UNC79: variants seen among roughly 807,000 people sequenced by gnomAD.
UNC79 encodes the protein unc-79 subunit of NALCN channel complex, also known as protein unc-79 homolog.
Under a neutral mutation model 283.1 loss-of-function variants are expected in UNC79, and 37 were observed. The ratio of observed to expected loss-of-function variants is 0.13; its 90% CI spans 0.10 to 0.17. UNC79 has a LOEUF of 0.17. Among genes scored for constraint, UNC79 ranks in the 10% least tolerant of loss-of-function variants. The pLI, the probability that UNC79 is intolerant of heterozygous loss-of-function variation, is 1.00. For synonymous variants in UNC79, 1,107 were observed against 1,200.2 expected, an observed-to-expected ratio of 0.92 and a Z score of 1.61; for missense variants, 2,272 against 3,211.1, an observed-to-expected ratio of 0.71 and a Z score of 7.07.
rs1036179256 is a variant in UNC79 at position 93,540,952 on chromosome 14, G to A, written c.1524+121G>A. On this transcript the variant is annotated intron_variant, in intron 13 of 48. Transcript: ENST00000555664. Reference sequence around the variant, plus strand: ...TAGTGAAAAATTAACCTTAGCAATGGGGCTGAAGCTATGGCAATAGCTGTC... The same window carrying A: ...TAGTGAAAAATTAACCTTAGCAATGAGGCTGAAGCTATGGCAATAGCTGTC... 3.9e-6 allele frequency: 5 copies of A among 1,271,396 alleles called. No homozygotes were observed. The African/African-American group carries it at 7.6e-5, about 19-fold the overall frequency. 78.8% of individuals were successfully genotyped at this position (1,271,396 alleles called of 1,614,324 possible).
chr14:93,368,041 A>G (rs1173261831), intron 1 of UNC79, among the ~76,000 whole-genome samples: 1 of 152,188 alleles, frequency 6.6e-6, no homozygotes, highest in Non-Finnish European at 1.5e-5. Context: ...CTTTGTTCCT[A>G]TTTGACCCTT....
At chr14:93,353,352 G>A (rs1396445398) in intron 1 of UNC79, among the ~76,000 whole-genome samples, 1 of 152,114 alleles carries the variant, frequency 6.6e-6, no homozygotes, top group Non-Finnish European at 1.5e-5. Flanking sequence ...ATAGGCATGA[G>A]CCACTGTGCC....
At chr14:93,686,478 G>T (rs558113189) in intron 42 of UNC79, 94 bp from the exon 46 acceptor site, 35 of 1,330,888 alleles carry the variant, frequency 2.6e-5, no homozygotes, top group Non-Finnish European at 3.6e-5. Flanking sequence ...AAAGTAAAAC[G>T]ACTCCTTAGT....
intron 4 of UNC79, among the ~76,000 whole-genome samples, chr14:93,481,061 G>A (rs568417883): frequency 3.3e-5 from 5 of 152,134 alleles, no homozygotes; most frequent in Non-Finnish European, 2.9e-5. Context: ...AGGCCAGCAT[G>A]TATATCAGAG....
At chr14:93,443,011 G>A (rs962564429) in intron 1 of UNC79, among the ~76,000 whole-genome samples, 1 of 151,920 alleles carries the variant, frequency 6.6e-6, no homozygotes, top group African/African-American at 2.4e-5. Context: ...ATCACTTTAG[G>A]TCAGGAGTCT....
intron 1 of UNC79, among the ~76,000 whole-genome samples, chr14:93,400,085 C>G (rs1312123935): frequency 3.9e-5 from 6 of 152,122 alleles, no homozygotes; most frequent in Admixed American, 2.0e-4. Flanking sequence ...TATCTGTGTT[C>G]TCCTCTTCCT....
chr14:93,673,217 G>A, intron 40 of UNC79, 134 bp from the exon 44 acceptor site: 1 of 695,966 alleles, frequency 1.4e-6, no homozygotes, highest in Non-Finnish European at 2.3e-6. Context: ...TATTTCTTGA[G>A]GACACTTCAC....
chr14:93,576,500 C>T (rs769733801), intron 17 of UNC79, among the ~76,000 whole-genome samples: 3 of 152,126 alleles, frequency 2.0e-5, no homozygotes, highest in Non-Finnish European at 4.4e-5. Flanking sequence ...TAGTCAGGGT[C>T]CTGATTCAGA....
At chr14:93,463,808 G>A (rs555468370) in intron 1 of UNC79, among the ~76,000 whole-genome samples, 5 of 152,150 alleles carry the variant, frequency 3.3e-5, no homozygotes, top group Non-Finnish European at 7.4e-5. Flanking sequence ...AAGGCCTTAA[G>A]TCAGAACTGT....
chr14:93,372,392 C>T (rs1277878823), intron 1 of UNC79, among the ~76,000 whole-genome samples: 1 of 152,056 alleles, frequency 6.6e-6, no homozygotes, highest in East Asian at 1.9e-4. Flanking sequence ...TCAGAGTGGA[C>T]CAGAAGACGT....
At chr14:93,644,188 G>A (rs1206982633) in intron 34 of UNC79, among the ~76,000 whole-genome samples, 1 of 152,200 alleles carries the variant, frequency 6.6e-6, no homozygotes, top group East Asian at 1.9e-4. Context: ...TCAGATAAAA[G>A]AAGGATGCAC....
intron 33 of UNC79, among the ~76,000 whole-genome samples, chr14:93,643,057 TC>T (rs1209332057): frequency 4.6e-5 from 7 of 152,198 alleles, no homozygotes; most frequent in African/African-American, 1.7e-4. Context: ...CTCCATTGTC[TC>T]CTCAGGCTTT....
At position 93,486,510 on chromosome 14, in the gene UNC79, C is replaced by T. The variant is rs963674225; in HGVS notation, c.620-1153C>T. 3.3e-5 allele frequency among the ~76,000 whole-genome samples: 5 copies of T among 151,602 alleles called. No homozygotes were observed. In the South Asian group the frequency reaches 6.2e-4, roughly 19 times the overall value. On this transcript the variant is annotated intron_variant, in intron 4 of 48. Coordinates refer to ENST00000555664, the Ensembl canonical transcript of UNC79. ...CTCTTCTAAAAATACAAAAATTAGC[C>T]GGGTGTGGGGGCAGGCGCCTGTAAT...
chr14:93,495,681 GA>G (rs1405195342), intron 5 of UNC79, among the ~76,000 whole-genome samples: 2 of 152,178 alleles, frequency 1.3e-5, no homozygotes, highest in Admixed American at 6.5e-5. Context: ...ATGAGGACTG[GA>G]AAATGTCCAT....
At chr14:93,525,126 G>A (rs890857026) in intron 8 of UNC79, among the ~76,000 whole-genome samples, 10 of 152,120 alleles carry the variant, frequency 6.6e-5, no homozygotes, top group African/African-American at 2.4e-4. Context: ...TTTTGTTGAA[G>A]GCAAATTGAA....
chr14:93,391,515 A>T (rs1323391921), intron 1 of UNC79, among the ~76,000 whole-genome samples: 1 of 152,236 alleles, frequency 6.6e-6, no homozygotes, highest in Non-Finnish European at 1.5e-5. Flanking sequence ...TCATCAAAAG[A>T]CAAACTGAAG....
chr14:93,418,326 G>A (rs1400185437), intron 1 of UNC79, among the ~76,000 whole-genome samples: 2 of 151,766 alleles, frequency 1.3e-5, no homozygotes, highest in South Asian at 4.3e-4. Flanking sequence ...GGTGGCTGCA[G>A]AACAGCAGAT....
chr14:93,492,661 G>GT (rs1187906746), intron 5 of UNC79, among the ~76,000 whole-genome samples: 1 of 152,172 alleles, frequency 6.6e-6, no homozygotes, highest in Non-Finnish European at 1.5e-5. Context: ...GCTGGACAGA[G>GT]TTTTTATTGA....
chr14:93,607,901 C>A (rs2065998515), intron 26 of UNC79, among the ~76,000 whole-genome samples: 1 of 152,192 alleles, frequency 6.6e-6, no homozygotes, highest in Admixed American at 6.5e-5. Flanking sequence ...TGATTCACTT[C>A]TTCACTAACT....
Sources: gnomAD v4.1 joint callset for allele counts (sites outside exome capture counted in the v4.1 genomes callset) on GRCh38, gnomAD v4.1.1 for gene constraint, MANE v1.5 for transcripts, NCBI Gene and HGNC (gene_info 2026-07-23, HGNC 2026-07-21) for gene names.